The following PCNX1 variants were observed in gnomAD, a reference collection of about 807,000 sequenced individuals.
PCNX1 encodes the protein pecanex 1.
In PCNX1, 78 loss-of-function variants were observed where a neutral mutation model predicts 242.2. The ratio of observed to expected loss-of-function variants is 0.32; its 90% CI spans 0.27 to 0.39. The LOEUF is 0.39. Among genes scored for constraint, PCNX1 ranks in the 10% least tolerant of loss-of-function variants. The pLI, the probability that PCNX1 is intolerant of heterozygous loss-of-function variation, is 1.00. For synonymous variants in PCNX1, 1,024 were observed against 1,032.9 expected (o/e 0.99, Z 0.17); for missense variants, 2,581 against 2,856.5 (o/e 0.90, Z 2.20).
chr14:71,103,568 G>C lies in PCNX1; in HGVS notation c.5994G>C (p.Leu1998=). The part of the protein sequence containing the change: ...PIGYPIFVSP[L]TTSYSDSHEQ... ...GCTACCCAATCTTTGTCTCACCCCT[G>C]ACAACTTCTTACTCTGACAGCCACG... Residue 1998 remains leucine, a synonymous_variant, in exon 32 of 36, where the codon CTG becomes CTC. Coordinates refer to ENST00000304743, the MANE Select transcript of PCNX1 (RefSeq NM_014982.3). The C allele has an allele frequency of 6.2e-7, 1 of 1,614,092 alleles. No homozygotes were observed. Among genetic ancestry groups the C allele is most frequent in the Admixed American group, 1.7e-5 (1 of 60,012 alleles).
chr14:71,026,632 G>A (rs1157716686), intron 14 of PCNX1, 140 bp from the exon 15 acceptor site: 1 of 463,486 alleles, frequency 2.2e-6, no homozygotes, highest in Non-Finnish European at 3.8e-6. Context: ...ATGTTGAGAG[G>A]TATCATTTAA....
chr14:70,935,855 G>A (rs1367914660), intron 1 of PCNX1, among the ~76,000 whole-genome samples: 1 of 152,178 alleles, frequency 6.6e-6, no homozygotes, highest in South Asian at 2.1e-4. Context: ...TCATGGCTAA[G>A]TCATTAAAAT....
intron 13 of PCNX1, among the ~76,000 whole-genome samples, chr14:71,023,769 G>A (rs890920303): frequency 1.3e-5 from 2 of 152,050 alleles, no homozygotes; most frequent in Admixed American, 1.3e-4. Context: ...AATTTTAGAT[G>A]TAAATTGAGG....
intron 1 of PCNX1, among the ~76,000 whole-genome samples, chr14:70,936,895 T>G (rs2057026985): frequency 6.6e-6 from 1 of 152,228 alleles, no homozygotes; most frequent in Admixed American, 6.5e-5. Flanking sequence ...ATGAAGAGCA[T>G]TTTTTTATGT....
intron 1 of PCNX1, among the ~76,000 whole-genome samples, chr14:70,935,328 C>T (rs942791002): frequency 2.0e-5 from 3 of 152,202 alleles, no homozygotes; most frequent in African/African-American, 7.2e-5. Flanking sequence ...GGGAGAATCA[C>T]TTGAGGCCAA....
intron 26 of PCNX1, among the ~76,000 whole-genome samples, chr14:71,065,287 C>A (rs1237685939): frequency 6.6e-6 from 1 of 152,152 alleles, no homozygotes; most frequent in East Asian, 1.9e-4. Context: ...TCTGTTGTTT[C>A]CTGATTTTTT....
intron 28 of PCNX1, among the ~76,000 whole-genome samples, chr14:71,083,801 G>A (rs945934618): frequency 4.0e-5 from 6 of 151,892 alleles, no homozygotes; most frequent in Admixed American, 1.3e-4. Context: ...AACATGCTCC[G>A]TTAGCTTGGA....
At chr14:70,994,492 G>C (rs1047319612) in intron 7 of PCNX1, among the ~76,000 whole-genome samples, 13 of 145,720 alleles carry the variant, frequency 8.9e-5, no homozygotes, top group African/African-American at 3.3e-4. Flanking sequence ...ACATGAGTTT[G>C]TTTTATGTGT....
At chr14:71,003,005 C>G (rs2059547873) in intron 8 of PCNX1, among the ~76,000 whole-genome samples, 1 of 150,680 alleles carries the variant, frequency 6.6e-6, no homozygotes, top group Admixed American at 6.6e-5. Context: ...TTATTGGCCA[C>G]ATACATATAT....
intron 30 of PCNX1, among the ~76,000 whole-genome samples, chr14:71,097,767 A>G (rs2062333553): frequency 6.6e-6 from 1 of 152,172 alleles, no homozygotes; most frequent in Non-Finnish European, 1.5e-5. Context: ...TTTCCTGTGT[A>G]GAAGCTCTTC....
chr14:70,977,760 G>C lies in PCNX1; in HGVS notation c.1423G>C (p.Glu475Gln), dbSNP rs1159003462. The C allele has an allele frequency of 6.2e-7, 1 of 1,614,086 alleles. No homozygotes were observed. The highest frequency in any genetic ancestry group is 1.3e-5 in the African/African-American group (1 of 75,020). ...GGCCAAGGACCCCACCCCCTCTGAT[G>C]AGATGCACAACCAGAGAGGTCTCAG... ...HEAKDPTPSD[E>Q]MHNQRGLSTS... The change falls in exon 6 of 36, where the codon GAG becomes CAG. Residue 475 changes from glutamate to glutamine, a missense_variant. Physicochemically the swap from Glu to Gln is conservative, Grantham distance 29. Coordinates refer to ENST00000304743, the MANE Select transcript of PCNX1 (RefSeq NM_014982.3).
chr14:71,031,061 T>C (rs1390337577), intron 16 of PCNX1, among the ~76,000 whole-genome samples: 1 of 152,194 alleles, frequency 6.6e-6, no homozygotes, highest in African/African-American at 2.4e-5. Context: ...ATACAAGACT[T>C]TTTTCTTAGC....
chr14:71,071,378 G>A (rs770977890), intron 26 of PCNX1, among the ~76,000 whole-genome samples: 1 of 152,120 alleles, frequency 6.6e-6, no homozygotes, highest in Non-Finnish European at 1.5e-5. Context: ...GCCCATCCTG[G>A]TGATACGGTT....
intron 21 of PCNX1, 128 bp from the exon 22 acceptor site, chr14:71,047,679 T>C (rs993668318): frequency 1.4e-6 from 1 of 691,724 alleles, no homozygotes. Context: ...CTATACATCA[T>C]TTTTGGAAGC....
chr14:70,995,556 T>A (rs2059324189), intron 7 of PCNX1, among the ~76,000 whole-genome samples, 185 bp from the exon 8 acceptor site: 1 of 152,248 alleles, frequency 6.6e-6, no homozygotes, highest in African/African-American at 2.4e-5. Context: ...AAATCAAATT[T>A]GTAAGGACCA....
At chr14:70,926,049 A>C (rs183316423) in intron 1 of PCNX1, among the ~76,000 whole-genome samples, 1 of 152,244 alleles carries the variant, frequency 6.6e-6, no homozygotes, top group African/African-American at 2.4e-5. Flanking sequence ...TCCCATCTCC[A>C]TCTAGTTATA....
intron 1 of PCNX1, among the ~76,000 whole-genome samples, chr14:70,945,400 A>G (rs1001148140): frequency 5.3e-5 from 8 of 152,106 alleles, no homozygotes; most frequent in African/African-American, 1.9e-4. Flanking sequence ...AGTTGGAATC[A>G]GAAGTTTAAT....
chr14:70,977,555 C>T lies in PCNX1; in HGVS notation c.1218C>T (p.Ser406=), dbSNP rs2058721382. The change falls in exon 6 of 36, where the codon AGC becomes AGT. Residue 406 remains serine, a synonymous_variant. Transcript: ENST00000304743. ...GCAGCTATAAAAGTGAGCAGACCAG[C>T]TCAACTCACATAGAGAGCATCCTGT... is the stretch of plus-strand genomic sequence containing the variant. ...TVSSYKSEQT[S]STHIESILSE... 6.2e-7 allele frequency: 1 copy of T among 1,614,004 alleles called. No individual in the cohort carries two copies. Among genetic ancestry groups the T allele is most frequent in the African/African-American group, 1.3e-5 (1 of 74,906 alleles).
Position 71,011,703 on chromosome 14 carries a change from GCTCT to G in PCNX1, c.2778+157_2778+160del, listed in dbSNP as rs919498578. 15 of 591,214 alleles carry G rather than the reference GCTCT, an allele frequency of 2.5e-5. No homozygotes were observed. The African/African-American group carries it at 2.6e-4, about 10-fold the overall frequency. The allele number at this position is 591,214 out of a possible 1,614,324, so 36.6% of individuals were successfully genotyped here. On this transcript the variant is annotated intron_variant, in intron 10 of 35. Transcript: ENST00000304743. ...AAAATCACTTTGCTGCCCTCCAGTG[GCTCT>G]CTTTTTCTAAGTCCTTTGATAAGAA...
Sources: allele counts gnomAD v4.1 joint callset (sites outside exome capture counted in the v4.1 genomes callset), GRCh38; gene constraint gnomAD v4.1.1; transcripts MANE v1.5; gene names NCBI Gene and HGNC (gene_info 2026-07-23, HGNC 2026-07-21).